FRYL: variants seen among roughly 807,000 people sequenced by gnomAD.
The protein encoded by FRYL is FRY like transcription coactivator.
A neutral mutation model predicts 351.2 loss-of-function variants in FRYL; 150 were observed. The observed-to-expected ratio is 0.43, with a 90% CI of 0.37 to 0.49. The LOEUF (loss-of-function observed/expected upper bound fraction) is 0.49, where lower values mean the gene tolerates loss of function less well. Ranked by LOEUF, FRYL falls within the 20% of genes least tolerant of loss-of-function variation. The pLI is 0.00. For missense variants in FRYL, 3,036 were observed against 3,619.3 expected (o/e 0.84, Z 4.13); for synonymous variants, 1,153 against 1,257.1 (o/e 0.92, Z 1.75).
At chr4:48,714,890 C>G (rs1231238644) in intron 1 of FRYL, among the ~76,000 whole-genome samples, 2 of 146,336 alleles carry the variant, frequency 1.4e-5, no homozygotes, top group South Asian at 2.2e-4. Flanking sequence ...ACTGGCAAAC[C>G]GAATCCAGCA....
chr4:48,566,789 A>C (rs1308310109), intron 28 of FRYL, among the ~76,000 whole-genome samples: 2 of 152,210 alleles, frequency 1.3e-5, no homozygotes, highest in African/African-American at 4.8e-5. Flanking sequence ...TAGTATCTAA[A>C]CCAGTATCTG....
chr4:48,671,134 A>G (rs1277297785), intron 3 of FRYL, among the ~76,000 whole-genome samples: 1 of 152,144 alleles, frequency 6.6e-6, no homozygotes, highest in Non-Finnish European at 1.5e-5. Flanking sequence ...TTTTGGATAA[A>G]AGTCATTTTT....
intron 22 of FRYL, 87 bp from the exon 23 acceptor site, chr4:48,579,328 T>C: frequency 9.4e-7 from 1 of 1,061,840 alleles, no homozygotes; most frequent in Non-Finnish European, 1.3e-6. Context: ...GAAAGTGGTG[T>C]ATTAGTAGTT....
chr4:48,563,721 A>AG (rs1028987127), intron 31 of FRYL, among the ~76,000 whole-genome samples: 2 of 151,154 alleles, frequency 1.3e-5, no homozygotes, highest in East Asian at 3.9e-4. Flanking sequence ...AAAAAAAAAA[A>AG]GGAGTATACG....
intron 1 of FRYL, among the ~76,000 whole-genome samples, chr4:48,770,020 A>G (rs188867932): frequency 6.6e-6 from 1 of 152,216 alleles, no homozygotes; most frequent in Non-Finnish European, 1.5e-5. Flanking sequence ...CTACCTGTAC[A>G]TACACATACA....
At chr4:48,523,987 T>C (rs1725443396) in intron 53 of FRYL, among the ~76,000 whole-genome samples, 1 of 152,172 alleles carries the variant, frequency 6.6e-6, no homozygotes, top group Admixed American at 6.6e-5. Flanking sequence ...CAAATTTCAA[T>C]TTCTCCCACT....
intron 3 of FRYL, among the ~76,000 whole-genome samples, chr4:48,676,865 T>C (rs1468108897): frequency 2.6e-5 from 4 of 152,358 alleles, no homozygotes. Flanking sequence ...AAACAACTCT[T>C]GCTTTTGAAT....
intron 33 of FRYL, among the ~76,000 whole-genome samples, chr4:48,559,122 G>T (rs1031852667): frequency 1.3e-5 from 2 of 152,134 alleles, no homozygotes; most frequent in Non-Finnish European, 2.9e-5. Flanking sequence ...GCCTCATGAA[G>T]TTATTGTGCA....
intron 32 of FRYL, among the ~76,000 whole-genome samples, chr4:48,561,866 A>G (rs1387202646): frequency 1.3e-5 from 2 of 152,150 alleles, no homozygotes; most frequent in South Asian, 2.1e-4. Flanking sequence ...AAATTAAAAA[A>G]TTAGCCAGAT....
At chr4:48,753,142 C>A (rs1217924613) in intron 1 of FRYL, among the ~76,000 whole-genome samples, 1 of 152,142 alleles carries the variant, frequency 6.6e-6, no homozygotes, top group Non-Finnish European at 1.5e-5. Flanking sequence ...AATAAGAGAT[C>A]TTCTTTCTAT....
chr4:48,767,850 T>C (rs1021184501), intron 1 of FRYL, among the ~76,000 whole-genome samples: 16 of 152,182 alleles, frequency 1.1e-4, no homozygotes, highest in African/African-American at 3.9e-4. Flanking sequence ...TACGGGTCCA[T>C]TCTCCAGTCT....
chr4:48,531,291 A>G lies in FRYL; in HGVS notation c.6768T>C (p.Leu2256=). The part of the protein sequence containing the change: ...LKLVVSRSAS[L]VVPSDIPKTY... ...TCTTGGGGATATCACTGGGTACGAC[A>G]AGACTCGCAGAGCGTGACACCACCA... Residue 2256 remains leucine (L), a synonymous_variant, in exon 50 of 64, where the codon CTT becomes CTC. Transcript: ENST00000358350. 1 of 1,613,764 alleles carries G rather than the reference A, an allele frequency of 6.2e-7. No individual in the cohort carries two copies. The highest frequency in any genetic ancestry group is 8.5e-7 in the Non-Finnish European group (1 of 1,179,716).
At chr4:48,654,127 G>C (rs942469733) in intron 3 of FRYL, among the ~76,000 whole-genome samples, 7 of 152,074 alleles carry the variant, frequency 4.6e-5, no homozygotes, top group Admixed American at 2.0e-4. Flanking sequence ...TACCAGTTTT[G>C]AGGAGCAGTG....
chr4:48,579,543 G>A (rs935111323), intron 22 of FRYL, among the ~76,000 whole-genome samples: 7 of 151,974 alleles, frequency 4.6e-5, no homozygotes, highest in African/African-American at 9.7e-5. Flanking sequence ...AAATTTCATC[G>A]TATACCAAAA....
intron 1 of FRYL, among the ~76,000 whole-genome samples, chr4:48,741,444 G>A (rs745976057): frequency 6.6e-5 from 10 of 152,194 alleles, no homozygotes; most frequent in Non-Finnish European, 1.5e-4. Flanking sequence ...GGAGGCTGAG[G>A]CAGGAGAACT....
rs1213696055 is a variant in FRYL at position 48,720,215 on chromosome 4, A to T, written c.-383-9517T>A. Among the ~76,000 whole-genome samples the T allele has an allele frequency of 2.0e-5, 3 of 151,678 alleles. 1 individual carries two copies. Among genetic ancestry groups the T allele is most frequent in the Non-Finnish European group, 4.4e-5 (3 of 67,926 alleles). ...CTTAACCATTTTAAAATGTACATTA[A>T]GGCTGGGCATGGCGGCTCATGCCTG... On this transcript the variant is annotated intron_variant, in intron 1 of 63. Transcript: ENST00000358350.
chr4:48,771,169 C>G (rs780971055), intron 1 of FRYL, among the ~76,000 whole-genome samples: 2 of 152,068 alleles, frequency 1.3e-5, no homozygotes, highest in Non-Finnish European at 2.9e-5. Flanking sequence ...AAATGCATGA[C>G]AAACTGTAAC....
At chr4:48,744,459 C>CA (rs1433792437) in intron 1 of FRYL, among the ~76,000 whole-genome samples, 1 of 152,152 alleles carries the variant, frequency 6.6e-6, no homozygotes, top group Non-Finnish European at 1.5e-5. Context: ...TTTACTCTTT[C>CA]AAAGTCACTG....
chr4:48,665,358 A>C (rs1272403432), intron 3 of FRYL, among the ~76,000 whole-genome samples: 1 of 152,210 alleles, frequency 6.6e-6, no homozygotes, highest in African/African-American at 2.4e-5. Flanking sequence ...TTCAAAGATA[A>C]AACATCTGCT....
Sources: gnomAD v4.1 joint callset for allele counts (sites outside exome capture counted in the v4.1 genomes callset) on GRCh38, gnomAD v4.1.1 for gene constraint, MANE v1.5 for transcripts, NCBI Gene and HGNC (gene_info 2026-07-23, HGNC 2026-07-21) for gene names.